Variants in TAFA4 observed in about 807,000 individuals in gnomAD.
The protein encoded by TAFA4 is chemokine-like protein TAFA-4.
Under a neutral mutation model 21.1 loss-of-function variants are expected in TAFA4, and 20 were observed. The observed-to-expected ratio is 0.95, with a 90% CI of 0.67 to 1.38. The LOEUF is 1.38. Among genes scored for constraint, TAFA4 ranks in the 40% most tolerant of loss-of-function variants. The pLI is 0.00. For synonymous variants in TAFA4, 71 were observed against 67.4 expected, an observed-to-expected ratio of 1.05 and a Z score of -0.26; for missense variants, 211 against 180.9, an observed-to-expected ratio of 1.17 and a Z score of -0.95.
At chr3:68,785,230 C>T (rs181027829) in intron 3 of TAFA4, among the ~76,000 whole-genome samples, 90 of 152,352 alleles carry the variant, frequency 5.9e-4, no homozygotes, top group African/African-American at 2.0e-3. Flanking sequence ...CCTCACCAGT[C>T]AGGAGCCCAG....
chr3:68,837,463 G>C (rs1704550903), intron 3 of TAFA4, among the ~76,000 whole-genome samples: 7 of 152,142 alleles, frequency 4.6e-5, no homozygotes. Flanking sequence ...TTCCACTCCA[G>C]CCAATAGCTA....
chr3:68,753,936 C>G (rs1702610745), intron 3 of TAFA4, among the ~76,000 whole-genome samples: 2 of 152,234 alleles, frequency 1.3e-5, no homozygotes, highest in Admixed American at 1.3e-4. Context: ...TCCAGCCAGG[C>G]AGTGCTAGAC....
At chr3:68,756,130 G>A (rs563739098) in intron 3 of TAFA4, among the ~76,000 whole-genome samples, 2 of 152,316 alleles carry the variant, frequency 1.3e-5, no homozygotes, top group Admixed American at 6.5e-5. Flanking sequence ...CTGTGTGTGA[G>A]ATAATAATGT....
chr3:68,904,822 T>G (rs1300180140), intron 1 of TAFA4, among the ~76,000 whole-genome samples: 1 of 152,196 alleles, frequency 6.6e-6, no homozygotes, highest in African/African-American at 2.4e-5. Flanking sequence ...AGTTAACTCA[T>G]GGGCTACTTT....
At chr3:68,747,514 C>T (rs1203531473) in intron 4 of TAFA4, among the ~76,000 whole-genome samples, 1 of 152,176 alleles carries the variant, frequency 6.6e-6, no homozygotes, top group African/African-American at 2.4e-5. Context: ...GTTCCTCCTT[C>T]ACCTTACACC....
rs185115539 is a variant in TAFA4, at chr3:68,814,041, T to C, written c.131-61023A>G. ...GCAAATCAATAAATGTAATCCAGCA[T>C]ATAAATAGAACCAAAGACAAAAACC... On this transcript the variant is annotated intron_variant, in intron 3 of 5. Transcript: ENST00000295569. 2.4e-3 allele frequency among the ~76,000 whole-genome samples: 358 copies of C among 152,314 alleles called. 3 individuals carry two copies. The highest frequency in any genetic ancestry group is 8.3e-3 in the African/African-American group (347 of 41,568).
chr3:68,792,771 G>C (rs1703386435), intron 3 of TAFA4, among the ~76,000 whole-genome samples: 1 of 152,106 alleles, frequency 6.6e-6, no homozygotes, highest in Non-Finnish European at 1.5e-5. Flanking sequence ...AAATTAACTA[G>C]ATTAAAAGAA....
At chr3:68,851,842 C>G (rs921814057) in intron 3 of TAFA4, among the ~76,000 whole-genome samples, 1 of 152,110 alleles carries the variant, frequency 6.6e-6, no homozygotes, top group African/African-American at 2.4e-5. Context: ...GTGGCACCAG[C>G]AATGTAGGGA....
At chr3:68,897,145 G>T (rs188138431) in intron 1 of TAFA4, among the ~76,000 whole-genome samples, 8 of 151,592 alleles carry the variant, frequency 5.3e-5, no homozygotes, top group Non-Finnish European at 1.0e-4. Flanking sequence ...CAAGTGATCC[G>T]CCCGCCTCGA....
intron 4 of TAFA4, among the ~76,000 whole-genome samples, chr3:68,745,602 C>G (rs1014108022): frequency 6.6e-6 from 1 of 152,124 alleles, no homozygotes. Context: ...ATGCTGTTGT[C>G]GAGGTGAAAA....
At chr3:68,773,158 T>A (rs1702989709) in intron 3 of TAFA4, among the ~76,000 whole-genome samples, 1 of 152,212 alleles carries the variant, frequency 6.6e-6, no homozygotes, top group Admixed American at 6.5e-5. Context: ...GACCCCACTT[T>A]AGATGTCAGG....
At chr3:68,888,022 G>A (rs76071601) in intron 1 of TAFA4, among the ~76,000 whole-genome samples, 1,688 of 151,692 alleles carry the variant, frequency 0.011, 33 homozygotes, top group African/African-American at 0.038. Flanking sequence ...CCCTTTAATT[G>A]TAAATTCTGC....
chr3:68,772,095 T>C (rs886704821), intron 3 of TAFA4, among the ~76,000 whole-genome samples: 1 of 152,034 alleles, frequency 6.6e-6, no homozygotes, highest in Non-Finnish European at 1.5e-5. Context: ...CCAGAAAACT[T>C]GAAATTCAGG....
chr3:68,787,638 G>T (rs1157710001), intron 3 of TAFA4, among the ~76,000 whole-genome samples: 2 of 152,010 alleles, frequency 1.3e-5, no homozygotes, highest in Non-Finnish European at 2.9e-5. Context: ...GGTCACATCT[G>T]ATCTACACCA....
chr3:68,896,187 C>A (rs1559556540), intron 1 of TAFA4, among the ~76,000 whole-genome samples: 2 of 152,118 alleles, frequency 1.3e-5, no homozygotes, highest in Non-Finnish European at 2.9e-5. Context: ...ACAGACCAGG[C>A]AGAAGCTTGT....
In TAFA4 at chr3:68,732,807, A is replaced by T. The variant is rs1702172369; in HGVS notation, c.*335T>A. 1 of 287,870 alleles carries T rather than the reference A, an allele frequency of 3.5e-6. No homozygotes were observed. The highest frequency in any genetic ancestry group is 6.4e-6 in the Non-Finnish European group (1 of 155,834). The allele number at this position is 287,870 out of a possible 1,614,324, so 17.8% of individuals were successfully genotyped here. On this transcript the variant is annotated 3_prime_UTR_variant, in exon 6 of 6. Coordinates refer to ENST00000295569, the MANE Select transcript of TAFA4 (RefSeq NM_182522.5). The stretch of plus-strand genomic sequence containing the variant: ...AACATACATCCAAGTTCTTTTGTAA[A>T]AGCAGAAAGAAAGTGAAGAATGAAC...
chr3:68,780,789 A>C (rs1389639181), intron 3 of TAFA4, among the ~76,000 whole-genome samples: 1 of 152,220 alleles, frequency 6.6e-6, no homozygotes, highest in Non-Finnish European at 1.5e-5. Flanking sequence ...AAGTAAACAA[A>C]TAATCAGCAA....
intron 3 of TAFA4, among the ~76,000 whole-genome samples, chr3:68,855,643 G>A (rs556852940): frequency 4.6e-5 from 7 of 152,078 alleles, no homozygotes; most frequent in Middle Eastern, 3.4e-3. Context: ...TAGAGTAGAC[G>A]TCATGTATCT....
intron 1 of TAFA4, among the ~76,000 whole-genome samples, chr3:68,888,223 A>G (rs1366786732): frequency 6.6e-6 from 1 of 151,998 alleles, no homozygotes; most frequent in East Asian, 1.9e-4. Flanking sequence ...ATTCTTTACC[A>G]TGTTAAAACA....
Sources: gnomAD v4.1 joint callset for allele counts (sites outside exome capture counted in the v4.1 genomes callset) on GRCh38, gnomAD v4.1.1 for gene constraint, MANE v1.5 for transcripts, NCBI Gene and HGNC (gene_info 2026-07-23, HGNC 2026-07-21) for gene names.